ARHGEF7: variants seen among roughly 807,000 people sequenced by gnomAD.
ARHGEF7 encodes PAK-interacting exchange factor beta.
In ARHGEF7, 33 loss-of-function variants were observed where a neutral mutation model predicts 109.8. The observed-to-expected ratio is 0.30, with a 90% CI of 0.23 to 0.40. ARHGEF7 has a LOEUF of 0.40. ARHGEF7 is among the 10% of genes least tolerant of loss of function. The pLI, the probability that ARHGEF7 is intolerant of heterozygous loss-of-function variation, is 1.00. For synonymous variants in ARHGEF7, 458 were observed against 424.6 expected, an observed-to-expected ratio of 1.08 and a Z score of -0.97; for missense variants, 938 against 1,098.5, an observed-to-expected ratio of 0.85 and a Z score of 2.07.
At chr13:111,243,708 A>C (rs940453356) in intron 6 of ARHGEF7, among the ~76,000 whole-genome samples, 164 bp from the exon 7 acceptor site, 6 of 152,250 alleles carry the variant, frequency 3.9e-5, no homozygotes, top group African/African-American at 1.4e-4. Flanking sequence ...CATGGGTTTA[A>C]CAGTCAATAA....
intron 16 of ARHGEF7, among the ~76,000 whole-genome samples, chr13:111,283,723 G>C (rs571480716): frequency 1.3e-5 from 2 of 152,182 alleles, no homozygotes; most frequent in African/African-American, 4.8e-5. Context: ...GCTGTCTGCT[G>C]CGTCTAACGA....
At chr13:111,262,588 A>T (rs2091222110) in intron 8 of ARHGEF7, among the ~76,000 whole-genome samples, 1 of 152,184 alleles carries the variant, frequency 6.6e-6, no homozygotes, top group African/African-American at 2.4e-5. Flanking sequence ...CTCAGTTTCC[A>T]TCTGAAATCA....
chr13:111,116,638 T>C (rs544273669), intron 1 of ARHGEF7: 2 of 152,238 alleles, frequency 1.3e-5, no homozygotes, highest in East Asian at 3.9e-4. Context: ...AATATAGAAA[T>C]TGAAGTGTAC....
chr13:111,162,401 A>G (rs527466959), intron 2 of ARHGEF7, among the ~76,000 whole-genome samples: 1 of 152,316 alleles, frequency 6.6e-6, no homozygotes, highest in Admixed American at 6.5e-5. Context: ...AAACCCTAGA[A>G]ATTTGCAGTG....
rs76384660 is a variant in ARHGEF7 at position 111,228,419 on chromosome 13, G to A, written c.671-4786G>A. 0.021 allele frequency among the ~76,000 whole-genome samples: 3,177 copies of A among 152,242 alleles called. 118 individuals carry two copies. The highest frequency in any genetic ancestry group is 0.073 in the African/African-American group (3,034 of 41,532). On this transcript the variant is annotated intron_variant, in intron 5 of 21. Transcript: ENST00000646102. This position sits in a 1 kb window ranked among gnomAD's most constrained non-coding sequence, Gnocchi z 4.6. ...CACTGAAGTGTTGGTGAGTGGAGAT[G>A]ACCTCATCTCTGAGACTTGCTGATG...
At chr13:111,225,593 TC>T (rs2085099308) in intron 5 of ARHGEF7, among the ~76,000 whole-genome samples, 1 of 152,144 alleles carries the variant, frequency 6.6e-6, no homozygotes, top group Non-Finnish European at 1.5e-5. Context: ...TGCCCACTTG[TC>T]CCAGTGCTTC....
At chr13:111,278,384 A>G (rs765237735) in intron 13 of ARHGEF7, among the ~76,000 whole-genome samples, 11 of 152,258 alleles carry the variant, frequency 7.2e-5, no homozygotes, top group Non-Finnish European at 1.5e-4. Context: ...GCCAGTCACC[A>G]CGTAACCACT....
At chr13:111,276,221 T>G (rs1001751077) in intron 12 of ARHGEF7, among the ~76,000 whole-genome samples, 6 of 152,216 alleles carry the variant, frequency 3.9e-5, no homozygotes, top group African/African-American at 9.6e-5. Flanking sequence ...TGATTCACAT[T>G]GACATACATT....
At chr13:111,165,611 G>A (rs1210292213) in intron 2 of ARHGEF7, among the ~76,000 whole-genome samples, 6 of 152,182 alleles carry the variant, frequency 3.9e-5, no homozygotes, top group Non-Finnish European at 8.8e-5. Flanking sequence ...CCTTGATAAA[G>A]CAACTGTGAA....
At chr13:111,284,118 TATG>T (rs952057608) in intron 16 of ARHGEF7, among the ~76,000 whole-genome samples, 18 of 152,060 alleles carry the variant, frequency 1.2e-4, no homozygotes, top group African/African-American at 3.9e-4. Flanking sequence ...GGTGGTGAGG[TATG>T]AGGAGTGGCG....
Position 111,191,798 on chromosome 13 carries a change from A to G in ARHGEF7, c.253-13491A>G, listed in dbSNP as rs190341029. Among the ~76,000 whole-genome samples, 9 of 152,294 alleles carry G rather than the reference A, an allele frequency of 5.9e-5. No individual in the cohort carries two copies. In the East Asian group the frequency reaches 1.2e-3, roughly 20 times the overall value. ...AGAGGGTGCTCTGGAAGACGAGATC[A>G]TTTTATCCAGGCTGAGTTAAAGGTA... On this transcript the variant is annotated intron_variant, in intron 2 of 21. Coordinates refer to ENST00000646102, the MANE Select transcript of ARHGEF7 (RefSeq NM_001354046.2).
intron 2 of ARHGEF7, among the ~76,000 whole-genome samples, chr13:111,199,357 C>CTT (rs1206378699): frequency 4.8e-5 from 7 of 146,574 alleles, no homozygotes; most frequent in African/African-American, 1.9e-4. Flanking sequence ...CTGCTGAAGC[C>CTT]TTTTTATTTT....
At chr13:111,140,668 T>C (rs1566616651) in intron 1 of ARHGEF7, among the ~76,000 whole-genome samples, 1 of 152,154 alleles carries the variant, frequency 6.6e-6, no homozygotes, top group East Asian at 1.9e-4. Flanking sequence ...CTTGGCCTTT[T>C]ATTATTAACC....
chr13:111,177,772 G>C (rs149724279), intron 2 of ARHGEF7, among the ~76,000 whole-genome samples: 2,607 of 152,334 alleles, frequency 0.017, 40 homozygotes, highest in Middle Eastern at 0.071. Context: ...ATTAGCTCAC[G>C]TGCATTTTTC....
rs775571041 is a variant in ARHGEF7 at position 111,153,920 on chromosome 13, C to A, written c.181C>A (p.Arg61=). The A allele has an allele frequency of 1.2e-6, 2 of 1,605,198 alleles. No individual in the cohort carries two copies. The highest frequency in any genetic ancestry group is 1.7e-5 in the Admixed American group (1 of 59,676). The change falls in exon 2 of 22, where the codon CGG becomes AGG. Residue 61 remains arginine, a synonymous_variant. Coordinates refer to ENST00000646102, the MANE Select transcript of ARHGEF7 (RefSeq NM_001354046.2). ...TGTATTGCAGGTCTACCCCGAGCCC[C>A]GGAGCGAGAGCGAGTGCCTGAGCAA... ...GTIEKVYPEP[R]SESECLSNIR...
rs1179161087 is a variant in ARHGEF7, at chr13:111,188,928, A to G, written c.253-16361A>G. Among the ~76,000 whole-genome samples, 3 of 152,252 alleles carry G rather than the reference A, an allele frequency of 2.0e-5. No individual in the cohort carries two copies. The East Asian group carries it at 5.8e-4, about 29-fold the overall frequency. ...TATGGACATGTTACCACCTCCTGCT[A>G]GATGATGGCGTATTAATAAACAGTT... On this transcript the variant is annotated intron_variant, in intron 2 of 21. Transcript: ENST00000646102.
intron 18 of ARHGEF7, among the ~76,000 whole-genome samples, chr13:111,291,649 T>C (rs560096537): frequency 1.8e-4 from 28 of 152,394 alleles, no homozygotes; most frequent in African/African-American, 5.5e-4. Context: ...TTGATACATC[T>C]GTTTATTGAT....
intron 2 of ARHGEF7, among the ~76,000 whole-genome samples, chr13:111,169,254 A>G (rs1446451579): frequency 1.3e-5 from 2 of 152,222 alleles, no homozygotes; most frequent in Non-Finnish European, 2.9e-5. Flanking sequence ...CTGTTCTCAC[A>G]TGGCTATAAA....
intron 8 of ARHGEF7, chr13:111,265,483 G>A (rs1245598925): frequency 6.8e-6 from 3 of 443,064 alleles, no homozygotes; most frequent in Admixed American, 4.8e-5. Flanking sequence ...ACTTTCTCCA[G>A]CCAGTACTTA....
Sources: allele counts gnomAD v4.1 joint callset (sites outside exome capture counted in the v4.1 genomes callset), GRCh38; gene constraint gnomAD v4.1.1; non-coding constraint Gnocchi (gnomAD v3.1); transcripts MANE v1.5; gene names NCBI Gene and HGNC (gene_info 2026-07-23, HGNC 2026-07-21).